CCDC179: variants seen among roughly 807,000 people sequenced by gnomAD.
CCDC179 encodes the protein coiled-coil domain containing 179.
Under a neutral mutation model 12.0 loss-of-function variants are expected in CCDC179, and 17 were observed. The observed-to-expected ratio is 1.42, with a 90% CI of 0.97 to 2.13. The LOEUF is 2.13. Ranked by LOEUF, CCDC179 falls within the 30% of genes most tolerant of loss-of-function variation. CCDC179 has a pLI of 0.00. For synonymous variants in CCDC179, 27 were observed against 26.4 expected (o/e 1.02, Z -0.07); for missense variants, 83 against 78.6 (o/e 1.06, Z -0.21).
Position 22,847,017 on chromosome 11 carries a change from C to T in CCDC179, c.*493G>A, listed in dbSNP as rs1858237477. ...TTACCTTAAATGGAAATTTTAATTA[C>T]ACTATGGCTTATCTGCAATAGCAAC... On this transcript the variant is annotated 3_prime_UTR_variant, in exon 4 of 4. Transcript: ENST00000532798. The T allele has an allele frequency of 6.6e-6, 1 of 152,046 alleles. No homozygotes were observed. The highest frequency in any genetic ancestry group is 1.5e-5 in the Non-Finnish European group (1 of 67,962). 9.4% of individuals were successfully genotyped at this position (152,046 alleles called of 1,614,324 possible). A position where few individuals can be genotyped will look rare whatever the true frequency, so the allele number is the denominator to read the frequency against.
At chr11:22,852,070 TA>T (rs1026778509) in intron 3 of CCDC179, among the ~76,000 whole-genome samples, 6 of 152,174 alleles carry the variant, frequency 3.9e-5, no homozygotes, top group African/African-American at 1.4e-4. Context: ...CTAAGTGACT[TA>T]GGGGAAAGGA....
chr11:22,847,805 G>A (rs1417268682), intron 3 of CCDC179, among the ~76,000 whole-genome samples: 10 of 152,150 alleles, frequency 6.6e-5, no homozygotes, highest in Middle Eastern at 3.4e-3. Flanking sequence ...AACAAATACC[G>A]CAAGCAGAAA....
At chr11:22,855,459 C>T (rs577589398) in intron 3 of CCDC179, among the ~76,000 whole-genome samples, 6 of 151,184 alleles carry the variant, frequency 4.0e-5, no homozygotes. Flanking sequence ...GCACATAGAT[C>T]GATGAAGAGG....
intron 3 of CCDC179, among the ~76,000 whole-genome samples, chr11:22,849,070 A>G (rs1365695998): frequency 6.6e-6 from 1 of 152,218 alleles, no homozygotes; most frequent in Non-Finnish European, 1.5e-5. Context: ...CAATATATAG[A>G]AGAAAAACTA....
rs1381726607 is a variant in CCDC179, at chr11:22,857,964, T to A, written c.153A>T (p.Lys51Asn). The A allele has an allele frequency of 2.2e-5, 33 of 1,529,822 alleles. No homozygotes were observed. Among genetic ancestry groups the A allele is most frequent in the Non-Finnish European group, 2.9e-5 (33 of 1,144,072 alleles). The allele number at this position is 1,529,822 out of a possible 1,614,324, so 94.8% of individuals were successfully genotyped here. A position where few individuals can be genotyped will look rare whatever the true frequency, so the allele number is the denominator to read the frequency against. Reference protein sequence around the residue: ...HLKKEKRRLNKRFSRPSPIPE... With the variant: ...HLKKEKRRLNNRFSRPSPIPE... ...GAATAGGAGAAGGCCTTGAAAACCT[T>A]TTATTCAGTCTCCTCTTCTCTTTCT... Residue 51 changes from lysine to asparagine, a missense_variant, in exon 3 of 4, where the codon AAA (lysine) becomes AAT (asparagine). Coordinates refer to ENST00000532798, the MANE Select transcript of CCDC179 (RefSeq NM_001195637.2).
chr11:22,856,034 A>G (rs184587181), intron 3 of CCDC179, among the ~76,000 whole-genome samples: 1 of 151,450 alleles, frequency 6.6e-6, no homozygotes, highest in Non-Finnish European at 1.5e-5. Context: ...ATTAATAATT[A>G]CCAATCTTTC....
intron 3 of CCDC179, among the ~76,000 whole-genome samples, chr11:22,854,016 T>C (rs1858479979): frequency 6.6e-6 from 1 of 151,876 alleles, no homozygotes; most frequent in African/African-American, 2.4e-5. Flanking sequence ...TTTACAGAAA[T>C]CATGCAAGCA....
chr11:22,848,106 C>A (rs1858269939), intron 3 of CCDC179, among the ~76,000 whole-genome samples: 1 of 152,158 alleles, frequency 6.6e-6, no homozygotes, highest in Non-Finnish European at 1.5e-5. Flanking sequence ...TTTTAACATT[C>A]ATAAATACAT....
chr11:22,857,332 A>G (rs1306703016), intron 3 of CCDC179, among the ~76,000 whole-genome samples: 1 of 151,716 alleles, frequency 6.6e-6, no homozygotes, highest in South Asian at 2.1e-4. Context: ...ACGAGACAGA[A>G]TAGCGAGCTC....
At chr11:22,849,396 G>A (rs1477343044) in intron 3 of CCDC179, among the ~76,000 whole-genome samples, 1 of 152,022 alleles carries the variant, frequency 6.6e-6, no homozygotes, top group Non-Finnish European at 1.5e-5. Flanking sequence ...AAACATTTCA[G>A]TTGTCTCTGC....
intron 3 of CCDC179, among the ~76,000 whole-genome samples, chr11:22,850,976 A>ATATTTTTTTTTTTTT (rs1554920538): frequency 4.9e-4 from 3 of 6,124 alleles, no homozygotes; most frequent in Non-Finnish European, 8.8e-4. Flanking sequence ...ATATATATAT[A>ATATTTTTTTTTTTTT]TTTTTTTTTT....
At chr11:22,859,996 A>G (rs1860678) in intron 1 of CCDC179, among the ~76,000 whole-genome samples, 26,028 of 152,148 alleles carry the variant, frequency 0.17, 2,454 homozygotes, top group East Asian at 0.29. Flanking sequence ...TACCTTAAAT[A>G]ACTCCTCCTT....
At chr11:22,850,544 A>G (rs1308204736) in intron 3 of CCDC179, among the ~76,000 whole-genome samples, 1 of 152,216 alleles carries the variant, frequency 6.6e-6, no homozygotes. Context: ...CTGCACTTCT[A>G]TAAACATGCA....
chr11:22,853,982 A>G (rs1858479045), intron 3 of CCDC179, among the ~76,000 whole-genome samples: 2 of 152,000 alleles, frequency 1.3e-5, no homozygotes, highest in Non-Finnish European at 2.9e-5. Flanking sequence ...AGGAACATGA[A>G]TAACAACAAT....
chr11:22,850,961 TATATA>T (rs1858371974), intron 3 of CCDC179, among the ~76,000 whole-genome samples: 8 of 16,666 alleles, frequency 4.8e-4, no homozygotes, highest in African/African-American at 8.2e-4. Context: ...TATATATATA[TATATA>T]TATATATATA....
chr11:22,849,333 T>C (rs1279231269), intron 3 of CCDC179, among the ~76,000 whole-genome samples: 5 of 152,202 alleles, frequency 3.3e-5, no homozygotes, highest in Non-Finnish European at 7.4e-5. Context: ...CAGAATGAAC[T>C]TAGGATTTTC....
chr11:22,858,379 T>A (rs893051110), intron 2 of CCDC179, among the ~76,000 whole-genome samples: 9 of 151,994 alleles, frequency 5.9e-5, no homozygotes, highest in African/African-American at 1.9e-4. Context: ...TATAGAAATA[T>A]GAAAACAATT....
At chr11:22,852,912 C>G (rs1858443767) in intron 3 of CCDC179, among the ~76,000 whole-genome samples, 1 of 152,340 alleles carries the variant, frequency 6.6e-6, no homozygotes, top group Admixed American at 6.5e-5. Context: ...GAATCCTAAT[C>G]ATAGGCTATG....
At chr11:22,850,959 T>C (rs1858369137) in intron 3 of CCDC179, among the ~76,000 whole-genome samples, 1 of 13,048 alleles carries the variant, frequency 7.7e-5, no homozygotes, top group Non-Finnish European at 2.4e-4. Context: ...TATATATATA[T>C]ATATATATAT....
Sources: allele counts gnomAD v4.1 joint callset (sites outside exome capture counted in the v4.1 genomes callset), GRCh38; gene constraint gnomAD v4.1.1; transcripts MANE v1.5; gene names NCBI Gene and HGNC (gene_info 2026-07-23, HGNC 2026-07-21).